Variants in DNAI7 observed in about 807,000 individuals in gnomAD.
The protein encoded by DNAI7 is cancer susceptibility 1.
DNAI7 carries 78 observed loss-of-function variants against 86.6 expected under a neutral mutation model. That is an observed-to-expected ratio of 0.90 (90% CI 0.75 to 1.09). The LOEUF (loss-of-function observed/expected upper bound fraction) is 1.09. Among genes scored for constraint, DNAI7 ranks in the 50% least tolerant of loss-of-function variants. The probability of loss-of-function intolerance (pLI) is 0.00; values close to 1 mark genes in which losing one functional copy is unlikely to be tolerated. For synonymous variants in DNAI7, 274 were observed against 273.0 expected (o/e 1.00, Z -0.04); for missense variants, 753 against 810.2 (o/e 0.93, Z 0.86).
downstream of DNAI7, chr12:25,108,275 G>GAAGA (rs1949361837): frequency 1.8e-6 from 1 of 568,318 alleles, no homozygotes; most frequent in Non-Finnish European, 3.0e-6. Context: ...GCTTTTTAAG[G>GAAGA]AAGAAATATT....
At chr12:25,148,987 C>T (rs7966074) in intron 7 of DNAI7, among the ~76,000 whole-genome samples, 103,754 of 151,748 alleles carry the variant, frequency 0.68, 39,503 homozygotes, top group East Asian at 0.99. Flanking sequence ...TCTTCTCCTT[C>T]TTCTTCTATT....
Position 25,161,138 on chromosome 12 carries a change from C to T in DNAI7, c.81G>A (p.Glu27=), listed in dbSNP as rs1197847921. The T allele has an allele frequency of 1.2e-6, 2 of 1,613,686 alleles. No homozygotes were observed. Among genetic ancestry groups the T allele is most frequent in the Non-Finnish European group, 1.7e-6 (2 of 1,179,826 alleles). Residue 27 remains glutamate (E), a synonymous_variant, in exon 3 of 16, where the codon GAG becomes GAA. Coordinates refer to ENST00000395987, the MANE Select transcript of DNAI7 (RefSeq NM_018272.5). ...KAERLKLLQE[E]EERRLKEEEE... ...CTTCCTCTTTCAGTCGTCTCTCCTC[C>T]TCCTCTTGTAGCAGCTTCAATCGTT...
chr12:25,121,658 A>C, intron 11 of DNAI7, 95 bp downstream of exon 11: 1 of 977,102 alleles, frequency 1.0e-6, no homozygotes, highest in South Asian at 1.7e-5. Context: ...TGTGTTTAAT[A>C]AGGTTAAAGC....
intron 4 of DNAI7, among the ~76,000 whole-genome samples, chr12:25,156,111 A>G (rs768593508): frequency 1.2e-4 from 3 of 24,056 alleles, no homozygotes; most frequent in Non-Finnish European, 9.1e-4. Flanking sequence ...ATCACGTTAC[A>G]AAAAAAAAAA....
intron 2 of DNAI7, among the ~76,000 whole-genome samples, chr12:25,176,269 T>TATAA (rs1436822697): frequency 6.6e-6 from 1 of 152,158 alleles, no homozygotes; most frequent in African/African-American, 2.4e-5. Flanking sequence ...GATCCTTTTA[T>TATAA]ATTTGTTATA....
chr12:25,119,297 A>G lies in DNAI7; in HGVS notation c.1244T>C (p.Leu415Pro), dbSNP rs1460469773. The change falls in exon 12 of 16, where the codon CTC (leucine) becomes CCC (proline). Residue 415 changes from leucine to proline, a missense_variant. Coordinates refer to ENST00000395987, the MANE Select transcript of DNAI7 (RefSeq NM_018272.5). ...PVKGWMIVEI[L>P]KEGLQKYTYP... ...TGTGTATTTCTGTAATCCTTCTTTG[A>G]GTATCTTTTTAAAATGACCAAAACA... The G allele has an allele frequency of 6.2e-7, 1 of 1,600,386 alleles. No individual in the cohort carries two copies. The highest frequency in any genetic ancestry group is 8.5e-7 in the Non-Finnish European group (1 of 1,174,196).
intron 6 of DNAI7, among the ~76,000 whole-genome samples, chr12:25,150,601 C>A (rs74765856): frequency 3.8e-4 from 34 of 88,976 alleles, no homozygotes; most frequent in African/African-American, 1.3e-3. Context: ...GACTCTGTCT[C>A]AAAAAAAAAA....
intron 2 of DNAI7, among the ~76,000 whole-genome samples, chr12:25,165,226 G>A (rs1240683521): frequency 6.6e-6 from 1 of 152,088 alleles, no homozygotes; most frequent in African/African-American, 2.4e-5. Flanking sequence ...CCCACAACAG[G>A]ACTTAATTAA....
chr12:25,165,255 C>T (rs1281156254), intron 2 of DNAI7, among the ~76,000 whole-genome samples: 1 of 152,158 alleles, frequency 6.6e-6, no homozygotes, highest in Non-Finnish European at 1.5e-5. Context: ...TCAAGGTGTA[C>T]AATAATAAAG....
rs1254625270 is a variant in DNAI7 at position 25,159,567 on chromosome 12, G to T, written c.107-1004C>A. Among the ~76,000 whole-genome samples, 3 of 152,134 alleles carry T rather than the reference G, an allele frequency of 2.0e-5. No homozygotes were observed. In the East Asian group the frequency reaches 5.8e-4, roughly 29 times the overall value. On this transcript the variant is annotated intron_variant, in intron 3 of 15. Coordinates refer to ENST00000395987, the MANE Select transcript of DNAI7 (RefSeq NM_018272.5). ...TCCAATAGTGATTTTAACCAATAAGGTATGGCAGACCTATCATGGCAATGA... is the reference window on the plus strand; with the variant it reads ...TCCAATAGTGATTTTAACCAATAAGTTATGGCAGACCTATCATGGCAATGA...
chr12:25,152,704 G>T (rs1293491640), intron 6 of DNAI7, among the ~76,000 whole-genome samples: 1 of 152,204 alleles, frequency 6.6e-6, no homozygotes, highest in African/African-American at 2.4e-5. Flanking sequence ...TGGGACTTGT[G>T]ATTGGAAGTG....
chr12:25,133,231 C>T (rs1943144288), intron 9 of DNAI7, among the ~76,000 whole-genome samples: 1 of 151,702 alleles, frequency 6.6e-6, no homozygotes, highest in South Asian at 2.1e-4. Context: ...GCCCCAGCAC[C>T]AATTGTTATA....
At position 25,190,615 on chromosome 12, in the gene DNAI7, T is replaced by C; in HGVS notation, c.20A>G (p.Lys7Arg). The C allele has an allele frequency of 7.2e-7, 1 of 1,398,480 alleles. No individual in the cohort carries two copies. Among genetic ancestry groups the C allele is most frequent in the Non-Finnish European group, 9.8e-7 (1 of 1,019,532 alleles). 86.6% of individuals were successfully genotyped at this position (1,398,480 alleles called of 1,614,324 possible). ...TATTTTGAAAAAAATTCTACATACC[T>C]TTTTTGCTTTGGGACCCTAAAAGTT... MGPKAK[K>R]SGSKKKKVTK... The change falls in exon 2 of 16, where the codon AAG becomes AGG. Residue 7 changes from lysine to arginine, a missense_variant and splice_region_variant. Physicochemically the swap from Lys to Arg is conservative, Grantham distance 26 (BLOSUM62 2). Transcript: ENST00000395987.
At chr12:25,148,110 C>T (rs1249269234) in intron 7 of DNAI7, among the ~76,000 whole-genome samples, 2 of 152,096 alleles carry the variant, frequency 1.3e-5, no homozygotes, top group African/African-American at 4.8e-5. Context: ...TATTCCTGCA[C>T]ACTTTTTATT....
chr12:25,157,469 CTTCTG>C (rs932816115), intron 4 of DNAI7, among the ~76,000 whole-genome samples: 21 of 152,096 alleles, frequency 1.4e-4, no homozygotes, highest in African/African-American at 4.8e-4. Flanking sequence ...ATCCAGCTGT[CTTCTG>C]TTAAGTCAGA....
At chr12:25,116,837 C>T (rs568187037) in intron 12 of DNAI7, among the ~76,000 whole-genome samples, 2 of 152,138 alleles carry the variant, frequency 1.3e-5, no homozygotes, top group African/African-American at 2.4e-5. Context: ...GGAATATTAC[C>T]ATTAAAGTGA....
At chr12:25,131,859 C>T (rs1942968312) in intron 9 of DNAI7, among the ~76,000 whole-genome samples, 1 of 152,110 alleles carries the variant, frequency 6.6e-6, no homozygotes, top group Non-Finnish European at 1.5e-5. Context: ...GCTCTATGCT[C>T]TCTGCTTAAA....
chr12:25,174,711 T>A (rs1948760150), intron 2 of DNAI7, among the ~76,000 whole-genome samples: 1 of 113,946 alleles, frequency 8.8e-6, no homozygotes, highest in Non-Finnish European at 1.8e-5. Context: ...ATCATACATA[T>A]GGAATATATA....
intron 2 of DNAI7, among the ~76,000 whole-genome samples, chr12:25,172,684 A>G (rs567831878): frequency 1.3e-5 from 2 of 152,298 alleles, no homozygotes; most frequent in South Asian, 4.1e-4. Context: ...GAGGCATTAC[A>G]CTAGCTGATT....
Sources: allele counts gnomAD v4.1 joint callset (sites outside exome capture counted in the v4.1 genomes callset), GRCh38; gene constraint gnomAD v4.1.1; transcripts MANE v1.5; gene names NCBI Gene and HGNC (gene_info 2026-07-23, HGNC 2026-07-21).